DPYSL5: variants seen among roughly 807,000 people sequenced by gnomAD.
The protein encoded by DPYSL5 is dihydropyrimidinase-related protein 5.
DPYSL5 carries 9 observed loss-of-function variants against 58.4 expected under a neutral mutation model. The ratio of observed to expected loss-of-function variants is 0.15; its 90% CI spans 0.09 to 0.27. The LOEUF (loss-of-function observed/expected upper bound fraction) is 0.27, where lower values mean the gene tolerates loss of function less well. DPYSL5 is among the 10% of genes least tolerant of loss of function. DPYSL5 has a pLI of 1.00. For synonymous variants in DPYSL5, 293 were observed against 301.9 expected (o/e 0.97, Z 0.31); for missense variants, 499 against 770.6 (o/e 0.65, Z 4.17).
At position 26,905,070 on chromosome 2, in the gene DPYSL5, G is replaced by A. The variant is rs1174586140; in HGVS notation, c.261+6310G>A. On this transcript the variant is annotated intron_variant, in intron 2 of 12. Coordinates refer to ENST00000288699, the MANE Select transcript of DPYSL5 (RefSeq NM_020134.4). The surrounding 1 kb of genome is among the most constrained non-coding windows in gnomAD (Gnocchi z 4.0). ...TCAGCCTGTGGCCTCTTGGTTGGCT[G>A]TATGCAAATATTTCTCTTGCTATTC... is the stretch of plus-strand genomic sequence containing the variant. Among the ~76,000 whole-genome samples the A allele has an allele frequency of 6.6e-6, 1 of 152,142 alleles. No individual in the cohort carries two copies. The highest frequency in any genetic ancestry group is 2.4e-5 in the African/African-American group (1 of 41,428).
At chr2:26,879,014 G>A (rs1311539198) in intron 1 of DPYSL5, among the ~76,000 whole-genome samples, 1 of 152,186 alleles carries the variant, frequency 6.6e-6, no homozygotes, top group Non-Finnish European at 1.5e-5. Flanking sequence ...CTATTGAAAT[G>A]TTGGTTGATG....
At chr2:26,870,384 C>T (rs1434348142) in intron 1 of DPYSL5, among the ~76,000 whole-genome samples, 2 of 152,162 alleles carry the variant, frequency 1.3e-5, no homozygotes, top group East Asian at 3.9e-4. Context: ...GATGAATTGT[C>T]CTTGGCTTAT....
chr2:26,918,135 CAAAAAAAAAAAAAAA>C (rs71401540), intron 2 of DPYSL5, among the ~76,000 whole-genome samples: 23 of 54,054 alleles, frequency 4.3e-4, no homozygotes, highest in Admixed American at 2.0e-3. Flanking sequence ...GAGTCTGTCT[CAAAAAAAAAAAAAAA>C]AAAAAAAAAA....
intron 1 of DPYSL5, among the ~76,000 whole-genome samples, chr2:26,857,449 A>G (rs1006240949): frequency 6.6e-6 from 1 of 152,056 alleles, no homozygotes; most frequent in African/African-American, 2.4e-5. Context: ...CTGAGGCAGG[A>G]GAATCGCTTG....
intron 1 of DPYSL5, among the ~76,000 whole-genome samples, chr2:26,860,360 G>A (rs1445879062): frequency 6.6e-6 from 1 of 152,218 alleles, no homozygotes; most frequent in Non-Finnish European, 1.5e-5. Flanking sequence ...TGTCAAATGA[G>A]AAGATGCAGA....
chr2:26,903,133 G>T (rs1664203451), intron 2 of DPYSL5, among the ~76,000 whole-genome samples: 1 of 151,304 alleles, frequency 6.6e-6, no homozygotes, highest in Non-Finnish European at 1.5e-5. Flanking sequence ...GCAATGGCGA[G>T]ATCTCAGCTC....
At chr2:26,888,806 A>G (rs1258850396) in intron 1 of DPYSL5, among the ~76,000 whole-genome samples, 1 of 152,138 alleles carries the variant, frequency 6.6e-6, no homozygotes, top group Non-Finnish European at 1.5e-5. Flanking sequence ...GTCTAGTGTG[A>G]TGTCTTAGTT....
intron 1 of DPYSL5, among the ~76,000 whole-genome samples, chr2:26,868,908 T>G (rs76127661): frequency 6.6e-6 from 1 of 152,184 alleles, no homozygotes; most frequent in Admixed American, 6.5e-5. Flanking sequence ...TATATTTGTT[T>G]CATTCTGCTT....
At chr2:26,882,111 A>AAAGAAAG (rs1308139468) in intron 1 of DPYSL5, among the ~76,000 whole-genome samples, 48 of 149,040 alleles carry the variant, frequency 3.2e-4, no homozygotes, top group Non-Finnish European at 4.2e-4. Context: ...AAAAAAAAAA[A>AAAGAAAG]AGAAAGAAAG....
chr2:26,904,739 C>T (rs1664246356), intron 2 of DPYSL5, among the ~76,000 whole-genome samples: 1 of 152,096 alleles, frequency 6.6e-6, no homozygotes, highest in Non-Finnish European at 1.5e-5. Flanking sequence ...CCCATCTCTA[C>T]AAAAAATACA....
chr2:26,862,591 A>G (rs1386689004), intron 1 of DPYSL5, among the ~76,000 whole-genome samples: 2 of 151,972 alleles, frequency 1.3e-5, no homozygotes, highest in African/African-American at 2.4e-5. Flanking sequence ...ATGTTTGTTG[A>G]TTATTTTTCT....
rs1210703366 is a variant in DPYSL5 at position 26,949,621 on chromosome 2, T to G, written c.*2626T>G. On this transcript the variant is annotated 3_prime_UTR_variant, in exon 13 of 13. Coordinates refer to ENST00000288699, the MANE Select transcript of DPYSL5 (RefSeq NM_020134.4). ...CTAGGAAAGCTTTACCTTCTCTGAG[T>G]GCCTCCGCCTGAGAGATGTGTGACC... The G allele has an allele frequency of 6.6e-6, 1 of 152,260 alleles. No homozygotes were observed. The highest frequency in any genetic ancestry group is 2.4e-5 in the African/African-American group (1 of 41,432). 9.4% of individuals were successfully genotyped at this position (152,260 alleles called of 1,614,324 possible).
intron 1 of DPYSL5, among the ~76,000 whole-genome samples, chr2:26,864,268 A>T (rs1434035281): frequency 6.6e-6 from 1 of 152,196 alleles, no homozygotes; most frequent in Non-Finnish European, 1.5e-5. Flanking sequence ...AATTACACAC[A>T]GTTTAAATGT....
chr2:26,862,091 C>T (rs1207505642), intron 1 of DPYSL5, among the ~76,000 whole-genome samples: 1 of 152,128 alleles, frequency 6.6e-6, no homozygotes, highest in African/African-American at 2.4e-5. Context: ...GGCAGGTCTC[C>T]AGATGAAAAC....
At chr2:26,886,239 C>T (rs1663717274) in intron 1 of DPYSL5, among the ~76,000 whole-genome samples, 1 of 152,098 alleles carries the variant, frequency 6.6e-6, no homozygotes, top group African/African-American at 2.4e-5. Flanking sequence ...TTCTTTTTTG[C>T]TTGTCACCTA....
In DPYSL5 at chr2:26,898,767, C is replaced by A; in HGVS notation, c.261+7C>A. ...CTTCTACCATGGGACCAAGGTAATG[C>A]TCCTGTTTGCCAAAGGTGGCTTCCT... On this transcript the variant is annotated splice_region_variant and intron_variant, in intron 2 of 12. Coordinates refer to ENST00000288699, the MANE Select transcript of DPYSL5 (RefSeq NM_020134.4). The surrounding 1 kb of genome is among the most constrained non-coding windows in gnomAD (Gnocchi z 6.1). 6.3e-7 allele frequency: 1 copy of A among 1,595,806 alleles called. No homozygotes were observed. The highest frequency in any genetic ancestry group is 8.6e-7 in the Non-Finnish European group (1 of 1,167,992).
intron 2 of DPYSL5, among the ~76,000 whole-genome samples, chr2:26,906,534 C>T (rs1273313843): frequency 6.6e-6 from 1 of 152,110 alleles, no homozygotes; most frequent in African/African-American, 2.4e-5. Context: ...TGAGGATAAT[C>T]TCCTGCCATG....
At chr2:26,888,281 C>CTTTCTTTCTGTA (rs1663781065) in intron 1 of DPYSL5, among the ~76,000 whole-genome samples, 2 of 142,976 alleles carry the variant, frequency 1.4e-5, no homozygotes, top group African/African-American at 2.6e-5. Flanking sequence ...TTCTTTCTGT[C>CTTTCTTTCTGTA]TTTCTTTCTT....
At chr2:26,907,116 A>T (rs182284178) in intron 2 of DPYSL5, among the ~76,000 whole-genome samples, 2 of 150,110 alleles carry the variant, frequency 1.3e-5, no homozygotes, top group Admixed American at 6.7e-5. Flanking sequence ...TTATTTATTT[A>T]TTTATTTTAT....
Sources: allele counts gnomAD v4.1 joint callset (sites outside exome capture counted in the v4.1 genomes callset), GRCh38; gene constraint gnomAD v4.1.1; non-coding constraint Gnocchi (gnomAD v3.1); transcripts MANE v1.5; gene names NCBI Gene and HGNC (gene_info 2026-07-23, HGNC 2026-07-21).